Variants in DBF4 observed in about 807,000 individuals in gnomAD.
DBF4 encodes the protein protein DBF4 homolog A.
Under a neutral mutation model 76.6 loss-of-function variants are expected in DBF4, and 25 were observed. The ratio of observed to expected loss-of-function variants is 0.33; its 90% CI spans 0.24 to 0.46. DBF4 has a LOEUF of 0.46. DBF4 is among the 20% of genes least tolerant of loss of function. DBF4 has a pLI of 1.00. For synonymous variants in DBF4, 213 were observed against 258.0 expected, an observed-to-expected ratio of 0.83 and a Z score of 1.67; for missense variants, 638 against 760.8, an observed-to-expected ratio of 0.84 and a Z score of 1.90.
chr7:87,899,007 C>CT (rs1562764612), intron 8 of DBF4, among the ~76,000 whole-genome samples: 3 of 152,064 alleles, frequency 2.0e-5, no homozygotes, highest in Non-Finnish European at 2.9e-5. Context: ...AAAGGACAGT[C>CT]TTTTTTAACA....
intron 2 of DBF4, among the ~76,000 whole-genome samples, chr7:87,882,032 T>G (rs939869075): frequency 3.3e-5 from 5 of 152,206 alleles, no homozygotes; most frequent in African/African-American, 1.2e-4. Context: ...AAAATTATAT[T>G]AGGGCTAGAT....
chr7:87,900,085 T>A (rs1448723382), intron 8 of DBF4, 136 bp from the exon 9 acceptor site: 8 of 737,222 alleles, frequency 1.1e-5, no homozygotes, highest in African/African-American at 1.9e-5. Flanking sequence ...GGCCTGAAAT[T>A]GATTTTTTGA....
intron 2 of DBF4, among the ~76,000 whole-genome samples, chr7:87,880,058 T>A (rs1839174713): frequency 6.6e-6 from 1 of 151,936 alleles, no homozygotes; most frequent in Non-Finnish European, 1.5e-5. Context: ...ATGGTCTAAA[T>A]CAGTGATACT....
chr7:87,886,993 G>T, intron 4 of DBF4, 99 bp downstream of exon 4: 1 of 821,572 alleles, frequency 1.2e-6, no homozygotes, highest in South Asian at 1.8e-5. Context: ...CACATTTTTA[G>T]GCAAAAACCT....
chr7:87,877,748 C>T (rs1192723253), intron 1 of DBF4, among the ~76,000 whole-genome samples: 1 of 152,140 alleles, frequency 6.6e-6, no homozygotes, highest in Non-Finnish European at 1.5e-5. Context: ...TAAATATCCC[C>T]ATGGAGTTTA....
chr7:87,903,152 A>G (rs1839830302), intron 10 of DBF4, among the ~76,000 whole-genome samples: 1 of 152,064 alleles, frequency 6.6e-6, no homozygotes. Flanking sequence ...GTGCAATCTC[A>G]GCTCACTGTA....
rs35766740 is a variant in DBF4 at position 87,889,277 on chromosome 7, AT to A, written c.597+1236del. 5.3e-3 allele frequency among the ~76,000 whole-genome samples: 739 copies of A among 139,648 alleles called. 2 individuals are homozygous for A. The highest frequency in any genetic ancestry group is 7.4e-3 in the East Asian group (36 of 4,844). 91.6% of individuals were successfully genotyped at this position (139,648 alleles called of 152,430 possible). On this transcript the variant is annotated intron_variant, in intron 6 of 11. Coordinates refer to ENST00000265728, the MANE Select transcript of DBF4 (RefSeq NM_006716.4). ...AAAATGGCTTTTGAACTCTTGAACAATTTTTTTTTTTTTTTTTTGAGGCAGG... is the reference window on the plus strand; with the variant it reads ...AAAATGGCTTTTGAACTCTTGAACAATTTTTTTTTTTTTTTTTGAGGCAGG...
chr7:87,901,245 A>G lies in DBF4; in HGVS notation c.924+367A>G, dbSNP rs572634337. On this transcript the variant is annotated intron_variant, in intron 10 of 11. Coordinates refer to ENST00000265728, the MANE Select transcript of DBF4 (RefSeq NM_006716.4). ...AGAACATAGGAATGGGGATGTTGCT[A>G]TTTAGCCTAGACAAGGAACACATAA... is the stretch of plus-strand genomic sequence containing the variant. Among the ~76,000 whole-genome samples the G allele has an allele frequency of 2.6e-5, 4 of 152,338 alleles. No homozygotes were observed. In the East Asian group the frequency reaches 5.8e-4, roughly 22 times the overall value.
intron 6 of DBF4, among the ~76,000 whole-genome samples, chr7:87,890,122 T>C (rs1320895547): frequency 6.6e-6 from 1 of 152,212 alleles, no homozygotes; most frequent in Admixed American, 6.5e-5. Context: ...CATAGAACAA[T>C]AGTTACCCTC....
At chr7:87,889,001 A>G (rs1247836413) in intron 6 of DBF4, among the ~76,000 whole-genome samples, 1 of 152,234 alleles carries the variant, frequency 6.6e-6, no homozygotes, top group African/African-American at 2.4e-5. Context: ...CCATAGTAGG[A>G]TGGCATATTT....
chr7:87,877,828 T>C (rs1052422725), intron 1 of DBF4, among the ~76,000 whole-genome samples: 1 of 152,234 alleles, frequency 6.6e-6, no homozygotes, highest in Non-Finnish European at 1.5e-5. Flanking sequence ...AACACACGAA[T>C]ATTTCTTGCT....
intron 2 of DBF4, among the ~76,000 whole-genome samples, chr7:87,882,895 T>G (rs1839252289): frequency 6.6e-6 from 1 of 152,132 alleles, no homozygotes; most frequent in Non-Finnish European, 1.5e-5. Flanking sequence ...ATAGTATGGG[T>G]AGTTTCTGAA....
chr7:87,880,409 T>C (rs1839182568), intron 2 of DBF4, among the ~76,000 whole-genome samples: 1 of 152,180 alleles, frequency 6.6e-6, no homozygotes, highest in African/African-American at 2.4e-5. Context: ...TTCCCAAAAA[T>C]CCAAAGCTGT....
chr7:87,902,048 T>C (rs536080674), intron 10 of DBF4, among the ~76,000 whole-genome samples: 3 of 152,344 alleles, frequency 2.0e-5, no homozygotes, highest in Non-Finnish European at 2.9e-5. Flanking sequence ...TCAGAAATAT[T>C]TCCCCTTCCT....
Position 87,878,180 on chromosome 7 carries a change from C to G in DBF4, c.174C>G (p.Val58=), listed in dbSNP as rs949510569. ...TATTTTACCTTGACTTACCTTCTGTCACCATATCTGAAAAACTTCAAAAGG... is the reference window on the plus strand; with the variant it reads ...TATTTTACCTTGACTTACCTTCTGTGACCATATCTGAAAAACTTCAAAAGG... The part of the protein sequence containing the change: ...GKVFYLDLPS[V]TISEKLQKDI... Residue 58 remains valine, a synonymous_variant, in exon 2 of 12, where the codon GTC becomes GTG. Transcript: ENST00000265728. The G allele has an allele frequency of 6.2e-7, 1 of 1,613,028 alleles. No individual in the cohort carries two copies. The highest frequency in any genetic ancestry group is 8.5e-7 in the Non-Finnish European group (1 of 1,179,576).
chr7:87,890,624 A>C (rs2131055559), intron 6 of DBF4, among the ~76,000 whole-genome samples: 1 of 152,322 alleles, frequency 6.6e-6, no homozygotes, highest in Non-Finnish European at 1.5e-5. Context: ...GGCTTAAGGC[A>C]ATAACAAAGG....
intron 10 of DBF4, 32 bp from the exon 11 acceptor site, chr7:87,904,260 T>G (rs1839862778): frequency 3.2e-6 from 5 of 1,567,954 alleles, no homozygotes. Context: ...TTAAATACAA[T>G]TTTTTGATAC....
intron 6 of DBF4, among the ~76,000 whole-genome samples, chr7:87,892,115 C>T (rs1839506824): frequency 6.6e-6 from 1 of 152,194 alleles, no homozygotes; most frequent in Admixed American, 6.5e-5. Flanking sequence ...ATCCAAAGTT[C>T]ATAGTTCACA....
At chr7:87,893,160 C>G (rs1465769413) in intron 6 of DBF4, among the ~76,000 whole-genome samples, 1 of 150,838 alleles carries the variant, frequency 6.6e-6, no homozygotes, top group East Asian at 1.9e-4. Context: ...GTGGATTTGT[C>G]TAGTTTTCCT....
Sources: gnomAD v4.1 joint callset for allele counts (sites outside exome capture counted in the v4.1 genomes callset) on GRCh38, gnomAD v4.1.1 for gene constraint, MANE v1.5 for transcripts, NCBI Gene and HGNC (gene_info 2026-07-23, HGNC 2026-07-21) for gene names.